Variants in PPRC1 observed in about 807,000 individuals in gnomAD.
PPRC1 encodes the protein PPARG related coactivator 1.
PPRC1 carries 23 observed loss-of-function variants against 132.5 expected under a neutral mutation model. The observed-to-expected ratio is 0.17, with a 90% CI of 0.12 to 0.25. The LOEUF is 0.25. Ranked by LOEUF, PPRC1 falls within the 10% of genes least tolerant of loss-of-function variation. PPRC1 has a pLI of 1.00. For synonymous variants in PPRC1, 872 were observed against 833.5 expected (o/e 1.05, Z -0.80); for missense variants, 2,006 against 2,089.1 (o/e 0.96, Z 0.78).
chr10:102,139,526 C>A lies in PPRC1; in HGVS notation c.1018C>A (p.Pro340Thr). The change falls in exon 5 of 14, where the codon CCT (proline) becomes ACT (threonine). Residue 340 changes from proline to threonine, a missense_variant. Physicochemically the swap from Pro to Thr is conservative, Grantham distance 38. Around this residue, in one of 2 missense-constraint regions of PPRC1, gnomAD observed 1,914 missense variants for 1,917.2 expected, o/e 1.00. Transcript: ENST00000278070. Reference sequence around the variant, plus strand: ...GGAGCAGCCAGATGATTTGACACTGCCTGAGGGCTGCGTAGTGCTGGAGAT... The same window carrying A: ...GGAGCAGCCAGATGATTTGACACTGACTGAGGGCTGCGTAGTGCTGGAGAT... ...LQEQPDDLTLPEGCVVLEIVG... is the reference protein window; with the variant it reads ...LQEQPDDLTLTEGCVVLEIVG... 1.2e-6 allele frequency: 2 copies of A among 1,613,990 alleles called. No homozygotes were observed. Among genetic ancestry groups the A allele is most frequent in the Non-Finnish European group, 1.7e-6 (2 of 1,179,930 alleles).
In PPRC1 at chr10:102,137,937, G is replaced by A; in HGVS notation, c.241G>A (p.Glu81Lys). ...PSLRDKDLEMEELMLQDETLL... is the reference protein window; with the variant it reads ...PSLRDKDLEMKELMLQDETLL... Reference sequence around the variant, plus strand: ...TCTGAGGGACAAGGACCTGGAAATGGAGGAGCTAATGCTGCAGGATGAGAC... The same window carrying A: ...TCTGAGGGACAAGGACCTGGAAATGAAGGAGCTAATGCTGCAGGATGAGAC... Residue 81 changes from glutamate (E) to lysine (K), a missense_variant, in exon 2 of 14, where the codon GAG becomes AAG. Around this residue, in one of 2 missense-constraint regions of PPRC1, gnomAD observed 1,914 missense variants for 1,917.2 expected, o/e 1.00. Coordinates refer to ENST00000278070, the MANE Select transcript of PPRC1 (RefSeq NM_015062.5). 1 of 1,614,170 alleles carries A rather than the reference G, an allele frequency of 6.2e-7. No individual in the cohort carries two copies. The highest frequency in any genetic ancestry group is 8.5e-7 in the Non-Finnish European group (1 of 1,180,030).
chr10:102,132,340 A>G (rs751721310), upstream of PPRC1, among the ~76,000 whole-genome samples: 31 of 152,280 alleles, frequency 2.0e-4, no homozygotes, highest in Non-Finnish European at 4.3e-4. Flanking sequence ...AGAAACGCAG[A>G]GCGGGATCCC....
rs760369833 is a variant in PPRC1, at chr10:102,139,397, G to A, written c.889G>A (p.Ala297Thr). The change falls in exon 5 of 14, where the codon GCT becomes ACT. Residue 297 changes from alanine to threonine, a missense_variant. Ala to Thr is a moderately conservative substitution (Grantham distance 58, BLOSUM62 0). This residue lies in a region of PPRC1 where 1,914 missense variants were observed against 1,917.2 expected (regional missense o/e 1.00). Transcript: ENST00000278070. ...ATAAEMAVPA[A>T]GDESISSLSE... is the part of the protein sequence containing the mutation. Reference sequence around the variant, plus strand: ...AGCAGCAGAGATGGCAGTGCCAGCAGCTGGTGATGAGAGCATCTCCTCCCT... The same window carrying A: ...AGCAGCAGAGATGGCAGTGCCAGCAACTGGTGATGAGAGCATCTCCTCCCT... The A allele has an allele frequency of 6.1e-5, 99 of 1,614,148 alleles. No homozygotes were observed. Among genetic ancestry groups the A allele is most frequent in the Non-Finnish European group, 8.1e-5 (96 of 1,180,060 alleles).
chr10:102,132,871 C>T (rs546099370), upstream of PPRC1: 6 of 714,946 alleles, frequency 8.4e-6, no homozygotes, highest in Non-Finnish European at 9.7e-6. Context: ...AAACGGTCCC[C>T]ACTTAAAGGG....
At chr10:102,144,214 CTGGT>C in intron 6 of PPRC1, 32 bp from the exon 7 acceptor site, 1 of 1,607,406 alleles carries the variant, frequency 6.2e-7, no homozygotes, top group Non-Finnish European at 8.5e-7. Context: ...TCTAGAACAT[CTGGT>C]TGGGCTTTTA....
At position 102,147,044 on chromosome 10, in the gene PPRC1, G is replaced by C; in HGVS notation, c.4052G>C (p.Arg1351Pro). Residue 1351 changes from arginine to proline, a missense_variant, in exon 9 of 14, where the codon CGG becomes CCG. Arg to Pro is a moderately radical substitution (Grantham distance 103). Coordinates refer to ENST00000278070, the MANE Select transcript of PPRC1 (RefSeq NM_015062.5). ...CCGCCCCCATGCATAGCTGCCTCCC[G>C]GGAGCCGCTTGATCACAGGACTAGC... ...APPPPCIAASREPLDHRTSSE... is the reference protein window; with the variant it reads ...APPPPCIAASPEPLDHRTSSE... 1 of 1,614,064 alleles carries C rather than the reference G, an allele frequency of 6.2e-7. No homozygotes were observed. The highest frequency in any genetic ancestry group is 8.5e-7 in the Non-Finnish European group (1 of 1,179,982).
chr10:102,123,398 G>T, the PPRC1 span, among the ~76,000 whole-genome samples: 1 of 151,962 alleles, frequency 6.6e-6, no homozygotes, highest in African/African-American at 2.4e-5. Context: ...TCTATGTGGA[G>T]GGGGGGTCTT....
rs2068812946 is a variant in PPRC1 at position 102,138,637 on chromosome 10, G to A, written c.361G>A (p.Asp121Asn). ...SLGESRLSLE[D>N]QNEVSLLTAL... ...GGAGCAGAGCAGGTTATCTCTGGAG[G>A]ACCAGAATGAAGTGTCGCTGCTCAC... is the stretch of plus-strand genomic sequence containing the variant. The change falls in exon 3 of 14, where the codon GAC (aspartate) becomes AAC (asparagine). Residue 121 changes from aspartate (D) to asparagine (N), a missense_variant. Asp to Asn is a conservative substitution (Grantham distance 23). Coordinates refer to ENST00000278070, the MANE Select transcript of PPRC1 (RefSeq NM_015062.5). 6.2e-7 allele frequency: 1 copy of A among 1,614,174 alleles called. No individual in the cohort carries two copies. Among genetic ancestry groups the A allele is most frequent in the Non-Finnish European group, 8.5e-7 (1 of 1,180,012 alleles).
At position 102,150,039 on chromosome 10, in the gene PPRC1, C is replaced by A; in HGVS notation, c.*10C>A. ...GAACCTCAGGAGGTAACCTTGGGCC[C>A]TTCCCTGCTATCCTTTTTCTCCTTT... On this transcript the variant is annotated 3_prime_UTR_variant, in exon 14 of 14. Transcript: ENST00000278070. 1 of 1,590,104 alleles carries A rather than the reference C, an allele frequency of 6.3e-7. No individual in the cohort carries two copies. The highest frequency in any genetic ancestry group is 1.1e-5 in the South Asian group (1 of 90,576).
rs1236917822 is a variant in PPRC1 at position 102,150,170 on chromosome 10, G to A, written c.*141G>A. 1.6e-6 allele frequency: 1 copy of A among 629,158 alleles called. No individual in the cohort carries two copies. The highest frequency in any genetic ancestry group is 2.8e-6 in the Non-Finnish European group (1 of 360,852). The allele number at this position is 629,158 out of a possible 1,614,324, so 39.0% of individuals were successfully genotyped here. A position where few individuals can be genotyped will look rare whatever the true frequency, so the allele number is the denominator to read the frequency against. On this transcript the variant is annotated 3_prime_UTR_variant, in exon 14 of 14. Transcript: ENST00000278070. ...TGGAAAAAAGTGAAATAAAAAATATGTTGAATCAGATTTTTTAAAAGGGGT... is the reference window on the plus strand; with the variant it reads ...TGGAAAAAAGTGAAATAAAAAATATATTGAATCAGATTTTTTAAAAGGGGT...
chr10:102,129,997 A>G (rs959570601), upstream of PPRC1, among the ~76,000 whole-genome samples: 1 of 152,206 alleles, frequency 6.6e-6, no homozygotes, highest in Non-Finnish European at 1.5e-5. Context: ...CTTTATTTCA[A>G]ACTTTATTGT....
chr10:102,132,347 T>C (rs1355038550), upstream of PPRC1, among the ~76,000 whole-genome samples: 1 of 152,234 alleles, frequency 6.6e-6, no homozygotes, highest in African/African-American at 2.4e-5. Flanking sequence ...CAGAGCGGGA[T>C]CCCTCTTGGC....
intron 1 of PPRC1, among the ~76,000 whole-genome samples, chr10:102,136,371 C>T (rs532474232): frequency 3.3e-5 from 5 of 151,992 alleles, no homozygotes; most frequent in South Asian, 2.1e-4. Flanking sequence ...GGAAGTGGTG[C>T]GGAATTTCAC....
At chr10:102,149,073 A>C in intron 12 of PPRC1, 105 bp from the exon 13 acceptor site, 1 of 1,524,708 alleles carries the variant, frequency 6.6e-7, no homozygotes, top group Non-Finnish European at 8.8e-7. Flanking sequence ...AGGGTTGGCC[A>C]CTGGGAATGA....
the PPRC1 span, among the ~76,000 whole-genome samples, chr10:102,125,547 C>T: frequency 2.0e-5 from 3 of 152,166 alleles, no homozygotes; most frequent in South Asian, 2.1e-4. Flanking sequence ...GGTGAGCCAC[C>T]GTGCCCAGCC....
Position 102,140,756 on chromosome 10 carries a change from C to T in PPRC1, c.2248C>T (p.Pro750Ser), listed in dbSNP as rs753622091. The stretch of plus-strand genomic sequence containing the variant: ...TACAACCCATGAAGCCAGACCTCGG[C>T]CTCTCAGCTTATCTGAGTACCGGCG... ...SATTHEARPR[P>S]LSLSEYRRRR... Residue 750 changes from proline (P) to serine (S), a missense_variant, in exon 5 of 14, where the codon CCT becomes TCT. Coordinates refer to ENST00000278070, the MANE Select transcript of PPRC1 (RefSeq NM_015062.5). 7 of 1,614,056 alleles carry T rather than the reference C, an allele frequency of 4.3e-6. No homozygotes were observed. The highest frequency in any genetic ancestry group is 1.1e-5 in the South Asian group (1 of 91,086).
rs112375415 is a variant in PPRC1 at position 102,147,275 on chromosome 10, G to A, written c.4283G>A (p.Arg1428His). ...GWQGRRGRNS[R>H]SVSSGSNRTS... ...CAGGGCCGCCGAGGCCGCAACAGCCGTTCTGTCAGCTCTGGGTCCAACCGG... is the reference window on the plus strand; with the variant it reads ...CAGGGCCGCCGAGGCCGCAACAGCCATTCTGTCAGCTCTGGGTCCAACCGG... The change falls in exon 9 of 14, where the codon CGT (arginine) becomes CAT (histidine). Residue 1428 changes from arginine (R) to histidine (H), a missense_variant. By Grantham distance (29) the Arg-to-His change is conservative (BLOSUM62 0). Around this residue, in one of 2 missense-constraint regions of PPRC1, gnomAD observed 1,914 missense variants for 1,917.2 expected, o/e 1.00. Transcript: ENST00000278070. 1.3e-3 allele frequency: 2,119 copies of A among 1,612,954 alleles called. 4 individuals carry two copies. The highest frequency in any genetic ancestry group is 1.7e-3 in the Non-Finnish European group (1,953 of 1,180,038).
upstream of PPRC1, among the ~76,000 whole-genome samples, chr10:102,132,276 T>G (rs1590308017): frequency 6.6e-6 from 1 of 152,230 alleles, no homozygotes; most frequent in African/African-American, 2.4e-5. Context: ...ATAGCAAATA[T>G]GAAGTAGCTT....
At chr10:102,129,003 C>T (rs2068503450), upstream of PPRC1, among the ~76,000 whole-genome samples, 1 of 144,986 alleles carries the variant, frequency 6.9e-6, no homozygotes, top group Non-Finnish European at 1.5e-5. Flanking sequence ...GATCTCGGCT[C>T]ACTGCAAGCT....
Sources: allele counts gnomAD v4.1 joint callset (sites outside exome capture counted in the v4.1 genomes callset), GRCh38; gene constraint gnomAD v4.1.1; regional missense constraint gnomAD v4.1.1; transcripts MANE v1.5; gene names NCBI Gene and HGNC (gene_info 2026-07-23, HGNC 2026-07-21).